USP33: variants seen among roughly 807,000 people sequenced by gnomAD.
USP33 encodes ubiquitin carboxyl-terminal hydrolase 33.
Under a neutral mutation model 124.2 loss-of-function variants are expected in USP33, and 46 were observed. The ratio of observed to expected loss-of-function variants is 0.37; its 90% CI spans 0.29 to 0.47. The LOEUF (loss-of-function observed/expected upper bound fraction) is 0.47. USP33 is among the 20% of genes least tolerant of loss of function. The pLI, the probability that USP33 is intolerant of heterozygous loss-of-function variation, is 0.99. For missense variants in USP33, 851 were observed against 1,070.6 expected (o/e 0.79, Z 2.86); for synonymous variants, 350 against 352.3 (o/e 0.99, Z 0.07).
intron 12 of USP33, chr1:77,722,424 C>T: frequency 2.4e-6 from 1 of 423,842 alleles, no homozygotes; most frequent in South Asian, 2.9e-5. Context: ...CACGTAAGTC[C>T]TGTGCAGTAG....
At chr1:77,741,864 T>G in intron 1 of USP33, 116 bp from the exon 2 acceptor site, 2 of 1,001,910 alleles carry the variant, frequency 2.0e-6, no homozygotes, top group Non-Finnish European at 2.7e-6. Context: ...AAAGATAACA[T>G]AAGAATGATA....
chr1:77,701,274 G>T (rs1673982276), intron 22 of USP33, 95 bp downstream of exon 22: 2 of 809,432 alleles, frequency 2.5e-6, no homozygotes, highest in Admixed American at 4.6e-5. Context: ...CTGTTCAATA[G>T]TGTAATCCCA....
intron 12 of USP33, among the ~76,000 whole-genome samples, chr1:77,722,612 A>T (rs1676694923): frequency 6.6e-6 from 1 of 152,244 alleles, no homozygotes; most frequent in Non-Finnish European, 1.5e-5. Context: ...ATCTAATTTT[A>T]AATAGCTAAA....
intron 1 of USP33, among the ~76,000 whole-genome samples, chr1:77,744,567 G>C (rs1032818952): frequency 6.6e-6 from 1 of 152,168 alleles, no homozygotes; most frequent in African/African-American, 2.4e-5. Context: ...CAACAGGCTG[G>C]GTACAGTAGC....
chr1:77,751,667 A>G (rs528383075), intron 1 of USP33, among the ~76,000 whole-genome samples: 3 of 152,210 alleles, frequency 2.0e-5, no homozygotes, highest in South Asian at 2.1e-4. Context: ...TCTCAAAAAC[A>G]AAACAAAACT....
chr1:77,713,557 CTTTTT>C (rs1192112747), intron 19 of USP33: 52 of 145,434 alleles, frequency 3.6e-4, no homozygotes, highest in Non-Finnish European at 5.3e-4. Flanking sequence ...GCTAACTTTT[CTTTTT>C]TTTTTTTTTT....
intron 4 of USP33, among the ~76,000 whole-genome samples, 157 bp from the exon 5 acceptor site, chr1:77,739,574 C>T (rs79080620): frequency 6.6e-6 from 1 of 152,108 alleles, no homozygotes; most frequent in South Asian, 2.1e-4. Flanking sequence ...TTTAGATAAA[C>T]TTCTAAGGTA....
Position 77,750,662 on chromosome 1 carries a change from A to AAG in USP33, c.-51-8916_-51-8915dup, listed in dbSNP as rs1446760794. Reference sequence around the variant, plus strand: ...AAAGAAAGAAAGAAAGAAAGAAAGAAAGAAAGAAAGAAAGAAAGAAAGAAA... The same window carrying AAG: ...AAAGAAAGAAAGAAAGAAAGAAAGAAAGAGAAAGAAAGAAAGAAAGAAAGAAA... On this transcript the variant is annotated intron_variant, in intron 1 of 23. Coordinates refer to ENST00000370794, the MANE Select transcript of USP33 (RefSeq NM_201624.3). 5.3e-5 allele frequency among the ~76,000 whole-genome samples: 8 copies of AAG among 150,540 alleles called. No individual in the cohort carries two copies. The East Asian group carries it at 1.6e-3, about 30-fold the overall frequency.
chr1:77,726,326 T>C (rs1162401401), intron 10 of USP33, among the ~76,000 whole-genome samples: 1 of 151,034 alleles, frequency 6.6e-6, no homozygotes, highest in Non-Finnish European at 1.5e-5. Flanking sequence ...CCAAAGAGGA[T>C]CTTGTTTGTC....
chr1:77,718,183 T>C (rs1357375524), intron 16 of USP33, 136 bp from the exon 17 acceptor site: 4 of 771,592 alleles, frequency 5.2e-6, no homozygotes, highest in East Asian at 2.8e-5. Flanking sequence ...TATGAAGTTA[T>C]TTAGATTTTT....
At position 77,723,240 on chromosome 1, in the gene USP33, AGAAG is replaced by A. The variant is rs1676779655; in HGVS notation, c.1389+87_1389+90del. ...GCATGTATGCTCATCAATAGCAAAGAGAAGGAATTAAACTTTTCACATCATCTTG... is the reference window on the plus strand; with the variant it reads ...GCATGTATGCTCATCAATAGCAAAGAGAATTAAACTTTTCACATCATCTTG... On this transcript the variant is annotated intron_variant, in intron 12 of 23. Coordinates refer to ENST00000370794, the MANE Select transcript of USP33 (RefSeq NM_201624.3). 5 of 927,586 alleles carry A rather than the reference AGAAG, an allele frequency of 5.4e-6. No individual in the cohort carries two copies. In the South Asian group the frequency reaches 7.3e-5, roughly 14 times the overall value. 57.5% of individuals were successfully genotyped at this position (927,586 alleles called of 1,614,324 possible).
At position 77,714,595 on chromosome 1, in the gene USP33, G is replaced by T; in HGVS notation, c.2215+19C>A. The T allele has an allele frequency of 6.2e-7, 1 of 1,601,538 alleles. No individual in the cohort carries two copies. The highest frequency in any genetic ancestry group is 8.5e-7 in the Non-Finnish European group (1 of 1,175,806). ...TACAGCAAACTTCTACTACCGGTTTGCATTACAGGAGTTCTTACCTCCATG... is the reference window on the plus strand; with the variant it reads ...TACAGCAAACTTCTACTACCGGTTTTCATTACAGGAGTTCTTACCTCCATG... On this transcript the variant is annotated intron_variant, in intron 19 of 23. Transcript: ENST00000370794.
At chr1:77,718,478 T>G (rs186982604) in intron 16 of USP33, 118 bp downstream of exon 16, 1 of 817,452 alleles carries the variant, frequency 1.2e-6, no homozygotes, top group Admixed American at 2.5e-5. Context: ...TAAAAAGGCA[T>G]GCATAGCAAT....
At chr1:77,738,392 G>A (rs1483462413) in intron 5 of USP33, among the ~76,000 whole-genome samples, 2 of 152,052 alleles carry the variant, frequency 1.3e-5, no homozygotes, top group East Asian at 3.8e-4. Flanking sequence ...ATTTTTCTAT[G>A]ACTTTAAGAA....
At position 77,696,331 on chromosome 1, in the gene USP33, A is replaced by G. The variant is rs1021717794; in HGVS notation, c.*986T>C. 1 of 152,678 alleles carries G rather than the reference A, an allele frequency of 6.5e-6. No homozygotes were observed. 9.5% of individuals were successfully genotyped at this position (152,678 alleles called of 1,614,324 possible). On this transcript the variant is annotated 3_prime_UTR_variant, in exon 24 of 24. Transcript: ENST00000370794. ...AACTCTAAGTTTTTTAGTCACTGAC[A>G]TTAATACTAACCAGGTTACAGGAAT...
intron 1 of USP33, among the ~76,000 whole-genome samples, chr1:77,753,423 A>AT (rs1326244521): frequency 6.6e-6 from 1 of 151,724 alleles, no homozygotes; most frequent in Non-Finnish European, 1.5e-5. Flanking sequence ...CCCACCCCCC[A>AT]TCTTTACAAA....
At chr1:77,719,516 A>G (rs1194552690) in intron 15 of USP33, among the ~76,000 whole-genome samples, 1 of 152,100 alleles carries the variant, frequency 6.6e-6, no homozygotes, top group African/African-American at 2.4e-5. Flanking sequence ...AAACCAGATA[A>G]AGCAAAACCT....
chr1:77,703,262 TCCC>T (rs1180486797), intron 21 of USP33, among the ~76,000 whole-genome samples: 1 of 152,190 alleles, frequency 6.6e-6, no homozygotes, highest in Admixed American at 6.5e-5. Flanking sequence ...AATGACTATC[TCCC>T]TTACCTCCTT....
Position 77,721,869 on chromosome 1 carries a change from T to C in USP33, c.1619A>G (p.Asp540Gly). Residue 540 changes from aspartate (D) to glycine (G), a missense_variant, in exon 14 of 24, where the codon GAT becomes GGT. This residue lies in a region of USP33 where 281 missense variants were observed against 425.0 expected (regional missense o/e 0.66). Coordinates refer to ENST00000370794, the MANE Select transcript of USP33 (RefSeq NM_201624.3). The stretch of plus-strand genomic sequence containing the variant: ...TCTGGCAAAGAAGGCAGCAAGACAA[T>C]CTTGCAAGGTTACTACTGGACCCCA... Reference protein sequence around the residue: ...WFWGPVVTLQDCLAAFFARDE... With the variant: ...WFWGPVVTLQGCLAAFFARDE... 1.9e-6 allele frequency: 3 copies of C among 1,610,630 alleles called. No individual in the cohort carries two copies. Among genetic ancestry groups the C allele is most frequent in the Non-Finnish European group, 2.5e-6 (3 of 1,179,252 alleles).
Sources: allele counts gnomAD v4.1 joint callset (sites outside exome capture counted in the v4.1 genomes callset), GRCh38; gene constraint gnomAD v4.1.1; regional missense constraint gnomAD v4.1.1; transcripts MANE v1.5; gene names NCBI Gene and HGNC (gene_info 2026-07-23, HGNC 2026-07-21).